RSPO4: variants seen among roughly 807,000 people sequenced by gnomAD.
RSPO4 encodes the protein R-spondin-4.
In RSPO4, 23 loss-of-function variants were observed where a neutral mutation model predicts 24.8. The observed-to-expected ratio is 0.93, with a 90% CI of 0.67 to 1.31. RSPO4 has a LOEUF of 1.31. RSPO4 is among the 40% of genes most tolerant of loss of function. The pLI is 0.00. For synonymous variants in RSPO4, 141 were observed against 127.4 expected (o/e 1.11, Z -0.72); for missense variants, 333 against 316.5 (o/e 1.05, Z -0.39).
rs1346074696 is a variant in RSPO4 at position 964,063 on chromosome 20, G to T, written c.467C>A (p.Thr156Asn). The change falls in exon 4 of 5, where the codon ACC becomes AAC. Residue 156 changes from threonine (T) to asparagine (N), a missense_variant. By Grantham distance (65) the Thr-to-Asn change is moderately conservative. Transcript: ENST00000217260. ...GWSPCTHNGK[T>N]CGSAWGLESR... Reference sequence around the variant, plus strand: ...CTCCAGGCCCCAAGCCGAGCCGCAGGTCTTTCCATTGTGTGTGCAGGGGCT... The same window carrying T: ...CTCCAGGCCCCAAGCCGAGCCGCAGTTCTTTCCATTGTGTGTGCAGGGGCT... The T allele has an allele frequency of 2.5e-6, 4 of 1,613,702 alleles. No individual in the cohort carries two copies. In the Admixed American group the frequency reaches 5.0e-5, roughly 20 times the overall value.
rs1352606121 is a variant in RSPO4, at chr20:960,282, G to A, written c.*75C>T. On this transcript the variant is annotated 3_prime_UTR_variant, in exon 5 of 5. Transcript: ENST00000217260. Reference sequence around the variant, plus strand: ...AGAAGACAGAGGAGAAAGAGTAAGAGGAGAGGAGGAGAAGGAGCAGGAGGA... The same window carrying A: ...AGAAGACAGAGGAGAAAGAGTAAGAAGAGAGGAGGAGAAGGAGCAGGAGGA... 2.3e-6 allele frequency: 2 copies of A among 881,542 alleles called. No individual in the cohort carries two copies. Among genetic ancestry groups the A allele is most frequent in the Non-Finnish European group, 3.6e-6 (2 of 549,562 alleles). The allele number at this position is 881,542 out of a possible 1,614,324, so 54.6% of individuals were successfully genotyped here. A position where few individuals can be genotyped will look rare whatever the true frequency, so the allele number is the denominator to read the frequency against.
At chr20:999,932 G>A (rs1260328164) in intron 1 of RSPO4, among the ~76,000 whole-genome samples, 4 of 152,060 alleles carry the variant, frequency 2.6e-5, no homozygotes, top group African/African-American at 9.7e-5. Context: ...GCAGTGGCAT[G>A]ATCTCGGCTC....
At chr20:979,590 G>A (rs1446508809) in intron 1 of RSPO4, among the ~76,000 whole-genome samples, 5 of 152,156 alleles carry the variant, frequency 3.3e-5, no homozygotes, top group Non-Finnish European at 5.9e-5. Context: ...CCCAGAGCAC[G>A]CAGACCTTTC....
intron 1 of RSPO4, among the ~76,000 whole-genome samples, chr20:988,245 T>A (rs1243790933): frequency 6.6e-6 from 1 of 152,110 alleles, no homozygotes; most frequent in East Asian, 1.9e-4. Flanking sequence ...GGTGCTGGAT[T>A]TTCCTGGAAG....
At chr20:983,866 A>G (rs1242721459) in intron 1 of RSPO4, among the ~76,000 whole-genome samples, 3 of 152,166 alleles carry the variant, frequency 2.0e-5, no homozygotes, top group Non-Finnish European at 4.4e-5. Flanking sequence ...CAAGGAAGCT[A>G]AGGCACAGAG....
intron 1 of RSPO4, among the ~76,000 whole-genome samples, chr20:986,106 G>A (rs1884116): frequency 0.069 from 10,457 of 152,288 alleles, 869 homozygotes; most frequent in East Asian, 0.21. Flanking sequence ...TGAGGCTGTT[G>A]AAGTGGGGAT....
intron 1 of RSPO4, among the ~76,000 whole-genome samples, chr20:995,646 C>T (rs575974432): frequency 2.2e-4 from 33 of 152,310 alleles, no homozygotes; most frequent in Admixed American, 4.6e-4. Context: ...GCTCCAGAGA[C>T]AGACTCTCTG....
chr20:980,921 G>A (rs1395159561), intron 1 of RSPO4, among the ~76,000 whole-genome samples: 1 of 152,178 alleles, frequency 6.6e-6, no homozygotes, highest in African/African-American at 2.4e-5. Flanking sequence ...TTCCCAAACT[G>A]TAATATGCAC....
At chr20:1,000,462 T>A (rs981745089) in intron 1 of RSPO4, among the ~76,000 whole-genome samples, 2 of 152,218 alleles carry the variant, frequency 1.3e-5, no homozygotes, top group Non-Finnish European at 2.9e-5. Flanking sequence ...GGAGCCTGTG[T>A]CCTTAGCTAC....
intron 3 of RSPO4, among the ~76,000 whole-genome samples, chr20:966,641 C>T (rs1423021282): frequency 6.6e-6 from 1 of 152,072 alleles, no homozygotes; most frequent in Non-Finnish European, 1.5e-5. Flanking sequence ...GGTGGGAAGA[C>T]CGCTTGAGCC....
At chr20:965,292 G>A (rs1984159296) in intron 3 of RSPO4, among the ~76,000 whole-genome samples, 1 of 152,176 alleles carries the variant, frequency 6.6e-6, no homozygotes, top group Non-Finnish European at 1.5e-5. Context: ...CAGGCTCAGG[G>A]AGGGACGGGA....
At chr20:984,695 C>T (rs1194145424) in intron 1 of RSPO4, among the ~76,000 whole-genome samples, 1 of 152,188 alleles carries the variant, frequency 6.6e-6, no homozygotes, top group African/African-American at 2.4e-5. Context: ...CACTCAAATC[C>T]TAGTAGTACA....
chr20:998,385 T>C (rs1459840951), intron 1 of RSPO4, among the ~76,000 whole-genome samples: 1 of 152,206 alleles, frequency 6.6e-6, no homozygotes, highest in African/African-American at 2.4e-5. Flanking sequence ...AATGTCCCCA[T>C]CTGGTTCTGA....
chr20:978,233 G>C (rs1400127325), intron 1 of RSPO4, among the ~76,000 whole-genome samples: 1 of 152,158 alleles, frequency 6.6e-6, no homozygotes, highest in Non-Finnish European at 1.5e-5. Context: ...GGTGATATTG[G>C]GCAAGTGGCT....
At chr20:969,781 A>G (rs1459069035) in intron 1 of RSPO4, among the ~76,000 whole-genome samples, 1 of 152,150 alleles carries the variant, frequency 6.6e-6, no homozygotes, top group Non-Finnish European at 1.5e-5. Flanking sequence ...GAAAATGACC[A>G]GGTGTCACTA....
chr20:974,273 C>G (rs1662119852), intron 1 of RSPO4, among the ~76,000 whole-genome samples: 2 of 152,244 alleles, frequency 1.3e-5, no homozygotes, highest in South Asian at 4.1e-4. Flanking sequence ...TCCCTGAGAA[C>G]TGGCCCCAGT....
chr20:979,349 T>C (rs1464828298), intron 1 of RSPO4, among the ~76,000 whole-genome samples: 1 of 152,142 alleles, frequency 6.6e-6, no homozygotes, highest in East Asian at 1.9e-4. Flanking sequence ...CTCAAATGTC[T>C]CCTTGTGGGG....
chr20:988,653 C>G (rs1984997839), intron 1 of RSPO4, among the ~76,000 whole-genome samples: 1 of 152,130 alleles, frequency 6.6e-6, no homozygotes, highest in Non-Finnish European at 1.5e-5. Context: ...CAGGTTCAAG[C>G]AATTCTCCTG....
At chr20:962,949 C>T (rs763626790) in intron 4 of RSPO4, among the ~76,000 whole-genome samples, 8 of 152,198 alleles carry the variant, frequency 5.3e-5, no homozygotes, top group Non-Finnish European at 7.3e-5. Context: ...AGCATCACTG[C>T]GAAGATTACA....
Sources: allele counts gnomAD v4.1 joint callset (sites outside exome capture counted in the v4.1 genomes callset), GRCh38; gene constraint gnomAD v4.1.1; transcripts MANE v1.5; gene names NCBI Gene and HGNC (gene_info 2026-07-23, HGNC 2026-07-21).